The following LRMDA variants were observed in gnomAD, a reference collection of about 807,000 sequenced individuals.
The protein encoded by LRMDA is leucine rich melanocyte differentiation associated, also known as leucine-rich melanocyte differentiation-associated protein.
A neutral mutation model predicts 29.8 loss-of-function variants in LRMDA; 18 were observed. The ratio of observed to expected loss-of-function variants is 0.60; its 90% CI spans 0.42 to 0.90. The LOEUF (loss-of-function observed/expected upper bound fraction) is 0.90, where lower values mean the gene tolerates loss of function less well. Ranked by LOEUF, LRMDA falls within the 40% of genes least tolerant of loss-of-function variation. The pLI is 0.00. For missense variants in LRMDA, 273 were observed against 273.9 expected (o/e 1.00, Z 0.02); for synonymous variants, 125 against 109.4 (o/e 1.14, Z -0.89).
intron 5 of LRMDA, among the ~76,000 whole-genome samples, chr10:76,308,288 T>C (rs1407680594): frequency 1.3e-5 from 2 of 152,224 alleles, no homozygotes; most frequent in East Asian, 3.9e-4. Flanking sequence ...TGTAGATATG[T>C]ATGGCAAGTG....
At chr10:76,486,320 C>G (rs764259920) in intron 6 of LRMDA, among the ~76,000 whole-genome samples, 1 of 151,814 alleles carries the variant, frequency 6.6e-6, no homozygotes, top group Non-Finnish European at 1.5e-5. Flanking sequence ...CTGAAGCTGC[C>G]CAGTGCATGC....
intron 2 of LRMDA, among the ~76,000 whole-genome samples, chr10:75,999,386 A>G (rs1055869704): frequency 3.9e-5 from 6 of 152,230 alleles, no homozygotes; most frequent in African/African-American, 7.2e-5. Context: ...GTCATAATGG[A>G]GGAAGAAAAG....
Position 75,623,332 on chromosome 10 carries a change from G to A in LRMDA, c.131+184838G>A, listed in dbSNP as rs74673693. On this transcript the variant is annotated intron_variant, in intron 2 of 6. Transcript: ENST00000611255. ...CCTCCCTTTCCTGGAATGGGAGCTTGTAAAATAAAGAAGAATGGATGGGCT... is the reference window on the plus strand; with the variant it reads ...CCTCCCTTTCCTGGAATGGGAGCTTATAAAATAAAGAAGAATGGATGGGCT... Among the ~76,000 whole-genome samples the A allele has an allele frequency of 5.5e-3, 832 of 152,242 alleles. 9 individuals carry two copies. The highest frequency in any genetic ancestry group is 0.019 in the African/African-American group (808 of 41,528).
At chr10:75,744,845 A>G (rs1023515266) in intron 2 of LRMDA, among the ~76,000 whole-genome samples, 2 of 152,032 alleles carry the variant, frequency 1.3e-5, no homozygotes, top group Admixed American at 6.6e-5. Context: ...GCTCTTTGCT[A>G]TGTATTCAGA....
At chr10:75,478,283 C>T (rs187379755) in intron 2 of LRMDA, among the ~76,000 whole-genome samples, 206 of 152,308 alleles carry the variant, frequency 1.4e-3, no homozygotes, top group African/African-American at 4.5e-3. Context: ...GCTTTGGAAA[C>T]CTAACCTCAG....
At chr10:75,509,899 C>T (rs767019396) in intron 2 of LRMDA, among the ~76,000 whole-genome samples, 3 of 152,156 alleles carry the variant, frequency 2.0e-5, no homozygotes, top group African/African-American at 2.4e-5. Context: ...GAGGGCAGAC[C>T]GCATGTGGGG....
intron 2 of LRMDA, among the ~76,000 whole-genome samples, chr10:75,582,847 A>C (rs192784963): frequency 2.5e-3 from 379 of 152,334 alleles, no homozygotes; most frequent in African/African-American, 8.8e-3. Flanking sequence ...GGTTGTTAGA[A>C]GCAGCCAGGC....
intron 2 of LRMDA, among the ~76,000 whole-genome samples, chr10:75,441,355 T>C (rs1844325182): frequency 6.6e-6 from 1 of 152,198 alleles, no homozygotes; most frequent in Non-Finnish European, 1.5e-5. Flanking sequence ...TGTTGTCTGC[T>C]ATTCTTCCTC....
intron 2 of LRMDA, among the ~76,000 whole-genome samples, chr10:75,876,346 T>C (rs1351563944): frequency 3.9e-5 from 6 of 151,912 alleles, no homozygotes; most frequent in Non-Finnish European, 8.8e-5. Context: ...TTTAGAACAA[T>C]AGACTGGAAG....
intron 6 of LRMDA, among the ~76,000 whole-genome samples, chr10:76,419,053 T>C (rs1842047228): frequency 6.6e-6 from 1 of 152,114 alleles, no homozygotes; most frequent in African/African-American, 2.4e-5. Flanking sequence ...AAGTGGTACA[T>C]TTGTTACAAT....
intron 2 of LRMDA, among the ~76,000 whole-genome samples, chr10:75,726,711 G>A (rs1842635203): frequency 6.6e-6 from 1 of 152,214 alleles, no homozygotes; most frequent in African/African-American, 2.4e-5. Context: ...TTGGAGGACT[G>A]TGCGGTTTCA....
chr10:76,169,576 A>T (rs1187629378), intron 5 of LRMDA, among the ~76,000 whole-genome samples: 1 of 152,068 alleles, frequency 6.6e-6, no homozygotes, highest in Non-Finnish European at 1.5e-5. Context: ...CTTCCTAAGA[A>T]TTTTCTTTAG....
At chr10:75,916,467 A>G in intron 2 of LRMDA, among the ~76,000 whole-genome samples, 1 of 152,094 alleles carries the variant, frequency 6.6e-6, no homozygotes, top group African/African-American at 2.4e-5. Context: ...CCAGGAGGTC[A>G]CCTCGTTTCT....
At chr10:76,216,960 A>G (rs1163637526) in intron 5 of LRMDA, among the ~76,000 whole-genome samples, 1 of 152,242 alleles carries the variant, frequency 6.6e-6, no homozygotes, top group Non-Finnish European at 1.5e-5. Context: ...GGCATATGAC[A>G]ATATTGTATA....
chr10:76,270,966 T>G (rs1475205870), intron 5 of LRMDA, among the ~76,000 whole-genome samples: 1 of 152,198 alleles, frequency 6.6e-6, no homozygotes, highest in Non-Finnish European at 1.5e-5. Context: ...ATTATTATTT[T>G]TATTGATTTG....
At chr10:76,213,675 A>T (rs1851675133) in intron 5 of LRMDA, among the ~76,000 whole-genome samples, 1 of 152,242 alleles carries the variant, frequency 6.6e-6, no homozygotes. Context: ...TTCTTGAAAT[A>T]ATATATTCGT....
intron 2 of LRMDA, among the ~76,000 whole-genome samples, chr10:75,852,922 T>A (rs889447653): frequency 1.3e-5 from 2 of 152,132 alleles, no homozygotes; most frequent in Non-Finnish European, 2.9e-5. Context: ...TGGAGAGACC[T>A]CAGGAAACTT....
At chr10:76,060,476 G>A (rs951026389) in intron 5 of LRMDA, among the ~76,000 whole-genome samples, 7 of 152,176 alleles carry the variant, frequency 4.6e-5, no homozygotes, top group African/African-American at 1.7e-4. Flanking sequence ...TTATGGGTGA[G>A]GGAACTGAGG....
At chr10:75,461,611 G>C (rs1844586755) in intron 2 of LRMDA, among the ~76,000 whole-genome samples, 1 of 152,194 alleles carries the variant, frequency 6.6e-6, no homozygotes, top group Non-Finnish European at 1.5e-5. Flanking sequence ...TTCTCTATAG[G>C]AGATGGAGGA....
Sources: allele counts gnomAD v4.1 joint callset (sites outside exome capture counted in the v4.1 genomes callset), GRCh38; gene constraint gnomAD v4.1.1; transcripts MANE v1.5; gene names NCBI Gene and HGNC (gene_info 2026-07-23, HGNC 2026-07-21).